Variants in ZNF407 observed in about 807,000 individuals in gnomAD.
ZNF407 encodes zinc finger protein 407.
In ZNF407, 17 loss-of-function variants were observed where a neutral mutation model predicts 131.2. That is an observed-to-expected ratio of 0.13 (90% CI 0.09 to 0.19). The LOEUF (loss-of-function observed/expected upper bound fraction) is 0.19. Among genes scored for constraint, ZNF407 ranks in the 10% least tolerant of loss-of-function variants. ZNF407 has a pLI of 1.00. For synonymous variants in ZNF407, 1,156 were observed against 1,062.0 expected (o/e 1.09, Z -1.72); for missense variants, 2,681 against 2,830.6 (o/e 0.95, Z 1.20).
At chr18:74,796,105 A>G (rs901310673) in intron 4 of ZNF407, among the ~76,000 whole-genome samples, 3 of 152,136 alleles carry the variant, frequency 2.0e-5, no homozygotes, top group African/African-American at 7.2e-5. Flanking sequence ...TATATTTTTT[A>G]ATGTGTTATT....
intron 1 of ZNF407, among the ~76,000 whole-genome samples, chr18:74,629,387 A>G (rs1983946613): frequency 6.6e-6 from 1 of 152,206 alleles, no homozygotes; most frequent in African/African-American, 2.4e-5. Flanking sequence ...CTCATTTTAA[A>G]TTGATTTATC....
rs773431837 is a variant in ZNF407, at chr18:74,635,099, A to G, written c.4080A>G (p.Ile1360Met). 1 of 1,613,922 alleles carries G rather than the reference A, an allele frequency of 6.2e-7. No individual in the cohort carries two copies. The highest frequency in any genetic ancestry group is 8.5e-7 in the Non-Finnish European group (1 of 1,179,864). The change falls in exon 2 of 9, where the codon ATA becomes ATG. Residue 1360 changes from isoleucine (I) to methionine (M), a missense_variant. By Grantham distance (10) the Ile-to-Met change is conservative. Around this residue, in one of 6 missense-constraint regions of ZNF407, gnomAD observed 1,789 missense variants for 1,748.7 expected, o/e 1.02. Transcript: ENST00000299687. This position sits in a 1 kb window ranked among gnomAD's most constrained non-coding sequence, Gnocchi z 4.7. ...GTTTTGGTCGATTTGACTCCTCCAT[A>G]ATAAGAATAAAGAACCCTGAAGATG... The part of the protein sequence containing the change: ...MYSFGRFDSS[I>M]IRIKNPEDGE...
At chr18:74,615,234 C>T (rs138522376) in intron 1 of ZNF407, among the ~76,000 whole-genome samples, 41 of 152,336 alleles carry the variant, frequency 2.7e-4, no homozygotes, top group African/African-American at 8.9e-4. Flanking sequence ...AGGCTGGGCG[C>T]GGTGGCTTAC....
At chr18:74,846,213 G>A (rs1217012521) in intron 4 of ZNF407, among the ~76,000 whole-genome samples, 2 of 152,086 alleles carry the variant, frequency 1.3e-5, no homozygotes, top group African/African-American at 4.8e-5. Context: ...AGAAATTATT[G>A]ATATTCAATC....
intron 3 of ZNF407, among the ~76,000 whole-genome samples, chr18:74,687,378 T>C (rs1260782568): frequency 1.3e-5 from 2 of 151,990 alleles, no homozygotes; most frequent in Non-Finnish European, 2.9e-5. Flanking sequence ...CAGTATAATA[T>C]GTAGTGTAAA....
intron 3 of ZNF407, among the ~76,000 whole-genome samples, chr18:74,660,561 A>G (rs1985670807): frequency 6.6e-6 from 1 of 151,170 alleles, no homozygotes; most frequent in South Asian, 2.1e-4. Context: ...GCTTACATCG[A>G]TTCTAGAAAC....
At chr18:75,058,813 A>G (rs186704291) in intron 8 of ZNF407, among the ~76,000 whole-genome samples, 10 of 152,374 alleles carry the variant, frequency 6.6e-5, no homozygotes, top group African/African-American at 1.9e-4. Flanking sequence ...TTAAAGTTAT[A>G]GAAGAGATTC....
intron 7 of ZNF407, among the ~76,000 whole-genome samples, chr18:74,897,417 T>A (rs576301959): frequency 1.3e-5 from 2 of 152,290 alleles, no homozygotes; most frequent in East Asian, 3.9e-4. Flanking sequence ...GACCATGCAT[T>A]CCGTCTGCTA....
chr18:74,757,257 ACTTT>A (rs1968985579), intron 3 of ZNF407, among the ~76,000 whole-genome samples: 1 of 151,506 alleles, frequency 6.6e-6, no homozygotes, highest in Non-Finnish European at 1.5e-5. Context: ...AAGAATGGAG[ACTTT>A]CTTTTTTTAA....
chr18:74,868,769 T>C (rs1427248514), intron 4 of ZNF407, among the ~76,000 whole-genome samples: 1 of 152,222 alleles, frequency 6.6e-6, no homozygotes, highest in African/African-American at 2.4e-5. Context: ...ACTATTTCAA[T>C]CTATGTGTAT....
intron 4 of ZNF407, among the ~76,000 whole-genome samples, chr18:74,825,642 G>A (rs935851527): frequency 2.6e-5 from 4 of 152,122 alleles, no homozygotes. Context: ...CTGAAAACCC[G>A]GGTTGTGGCT....
At chr18:74,812,078 A>G (rs904609044) in intron 4 of ZNF407, among the ~76,000 whole-genome samples, 2 of 152,004 alleles carry the variant, frequency 1.3e-5, no homozygotes, top group Non-Finnish European at 2.9e-5. Flanking sequence ...TTTGCCTATT[A>G]CTCTGTTAAC....
chr18:74,846,502 G>A (rs1375510445), intron 4 of ZNF407, among the ~76,000 whole-genome samples: 1 of 151,300 alleles, frequency 6.6e-6, no homozygotes, highest in Non-Finnish European at 1.5e-5. Flanking sequence ...ACCACGCCCA[G>A]CTAATTTTTG....
At chr18:74,953,742 A>G (rs1310884023) in intron 8 of ZNF407, among the ~76,000 whole-genome samples, 1 of 152,256 alleles carries the variant, frequency 6.6e-6, no homozygotes, top group African/African-American at 2.4e-5. Flanking sequence ...CAATATGACC[A>G]CAGCGTATAC....
intron 4 of ZNF407, among the ~76,000 whole-genome samples, chr18:74,850,880 AT>A (rs1160873657): frequency 6.6e-6 from 1 of 152,192 alleles, no homozygotes; most frequent in Non-Finnish European, 1.5e-5. Context: ...TGCTATTATC[AT>A]CAGCACCTGG....
chr18:74,645,104 C>A (rs1320768567), intron 3 of ZNF407, among the ~76,000 whole-genome samples: 1 of 145,200 alleles, frequency 6.9e-6, no homozygotes, highest in Non-Finnish European at 1.5e-5. Flanking sequence ...TTATTTTTTC[C>A]CACTCATTCA....
chr18:74,791,592 C>A (rs1250488826), intron 4 of ZNF407, among the ~76,000 whole-genome samples: 1 of 152,140 alleles, frequency 6.6e-6, no homozygotes, highest in Non-Finnish European at 1.5e-5. Context: ...ATACAGAAAG[C>A]CATGGCTCCC....
At chr18:74,687,419 G>A (rs919061496) in intron 3 of ZNF407, among the ~76,000 whole-genome samples, 3 of 152,178 alleles carry the variant, frequency 2.0e-5, no homozygotes, top group Admixed American at 6.5e-5. Context: ...GAGGAAAGGT[G>A]TAGCATGAGG....
intron 8 of ZNF407, among the ~76,000 whole-genome samples, chr18:75,002,525 G>A (rs1000940190): frequency 1.3e-5 from 2 of 152,156 alleles, no homozygotes; most frequent in African/African-American, 2.4e-5. Context: ...GGTCAGGGCC[G>A]GGCGCGGTGG....
Sources: gnomAD v4.1 joint callset for allele counts (sites outside exome capture counted in the v4.1 genomes callset) on GRCh38, gnomAD v4.1.1 for gene constraint, gnomAD v4.1.1 regional missense constraint, Gnocchi (gnomAD v3.1) non-coding constraint, MANE v1.5 for transcripts, NCBI Gene and HGNC (gene_info 2026-07-23, HGNC 2026-07-21) for gene names.